LSAMP: variants seen among roughly 807,000 people sequenced by gnomAD.
LSAMP encodes the protein limbic system associated membrane protein, also known as limbic system-associated membrane protein.
A neutral mutation model predicts 38.6 loss-of-function variants in LSAMP; 7 were observed. The observed-to-expected ratio is 0.18, with a 90% CI of 0.10 to 0.34. LSAMP has a LOEUF of 0.34. Among genes scored for constraint, LSAMP ranks in the 10% least tolerant of loss-of-function variants. LSAMP has a pLI of 1.00. For synonymous variants in LSAMP, 154 were observed against 166.8 expected (o/e 0.92, Z 0.59); for missense variants, 313 against 420.0 (o/e 0.75, Z 2.23).
intron 1 of LSAMP, among the ~76,000 whole-genome samples, chr3:116,420,691 T>C (rs1576210995): frequency 6.6e-6 from 1 of 151,728 alleles, no homozygotes; most frequent in East Asian, 2.0e-4. Context: ...GCCAACATGG[T>C]GAAACCCCAT....
intron 1 of LSAMP, among the ~76,000 whole-genome samples, chr3:116,372,307 A>G (rs544320382): frequency 6.6e-6 from 1 of 152,212 alleles, no homozygotes; most frequent in South Asian, 2.1e-4. Flanking sequence ...TACCAAGACT[A>G]TTCAATGGGG....
intron 1 of LSAMP, among the ~76,000 whole-genome samples, chr3:116,316,457 G>A (rs1314422263): frequency 2.0e-5 from 3 of 152,154 alleles, no homozygotes; most frequent in Non-Finnish European, 4.4e-5. Flanking sequence ...TGGGAGAAAA[G>A]TTAGGATAGA....
chr3:116,418,797 T>C (rs2049085025), intron 1 of LSAMP, among the ~76,000 whole-genome samples: 1 of 152,188 alleles, frequency 6.6e-6, no homozygotes, highest in African/African-American at 2.4e-5. Context: ...TAATTTTCTC[T>C]GCAACCTTCA....
chr3:116,040,405 G>T (rs1245041964), intron 2 of LSAMP, among the ~76,000 whole-genome samples: 2 of 152,174 alleles, frequency 1.3e-5, no homozygotes, highest in Non-Finnish European at 2.9e-5. Flanking sequence ...ACTGCTATCT[G>T]TGTAGAGCTC....
At chr3:115,922,735 G>T (rs1156408879) in intron 3 of LSAMP, among the ~76,000 whole-genome samples, 3 of 152,094 alleles carry the variant, frequency 2.0e-5, no homozygotes, top group Non-Finnish European at 4.4e-5. Flanking sequence ...TGGGGGTTAA[G>T]GGTGCCTCTG....
intron 3 of LSAMP, among the ~76,000 whole-genome samples, chr3:115,972,165 G>C (rs1939039993): frequency 6.6e-6 from 1 of 152,004 alleles, no homozygotes; most frequent in Admixed American, 6.6e-5. Flanking sequence ...AGTTCATAAA[G>C]AAGAGTCAGA....
chr3:115,933,185 C>T (rs1225283395), intron 3 of LSAMP, among the ~76,000 whole-genome samples: 1 of 152,092 alleles, frequency 6.6e-6, no homozygotes, highest in Non-Finnish European at 1.5e-5. Context: ...ATTGGGAGCC[C>T]ATTGAAGGTT....
intron 1 of LSAMP, among the ~76,000 whole-genome samples, chr3:116,219,614 A>G (rs1372466390): frequency 2.0e-5 from 3 of 152,208 alleles, no homozygotes; most frequent in Non-Finnish European, 4.4e-5. Flanking sequence ...AAAGTAAGGA[A>G]GTGGGACTAC....
chr3:116,442,148 TAC>T (rs2049444844), intron 1 of LSAMP, among the ~76,000 whole-genome samples: 1 of 152,198 alleles, frequency 6.6e-6, no homozygotes, highest in Non-Finnish European at 1.5e-5. Context: ...ATCATAATTA[TAC>T]AAAAATGAGC....
intron 1 of LSAMP, among the ~76,000 whole-genome samples, chr3:116,352,275 G>C (rs1488831045): frequency 3.9e-5 from 6 of 152,090 alleles, no homozygotes; most frequent in Non-Finnish European, 7.4e-5. Flanking sequence ...GCAGCCAGCG[G>C]AGAGCAAAGT....
At chr3:116,181,346 G>A (rs552209499) in intron 1 of LSAMP, among the ~76,000 whole-genome samples, 1 of 151,860 alleles carries the variant, frequency 6.6e-6, no homozygotes, top group Admixed American at 6.6e-5. Context: ...GTAACAAAGG[G>A]CAGATTTACA....
intron 3 of LSAMP, among the ~76,000 whole-genome samples, chr3:116,002,745 T>G (rs1477091422): frequency 6.6e-6 from 1 of 152,182 alleles, no homozygotes; most frequent in Non-Finnish European, 1.5e-5. Flanking sequence ...GCTAACCTTT[T>G]GCCCTCAGCT....
In LSAMP at chr3:116,445,394, T is replaced by C. The variant is rs1315446777; in HGVS notation, c.-363A>G. ...CTGCCAGTGTCTGAGCTGAGCTCCT[T>C]CGCTCTGTAACCCACTTTCCCAGGC... is the stretch of plus-strand genomic sequence containing the variant. On this transcript the variant is annotated 5_prime_UTR_variant, in exon 1 of 7. Coordinates refer to ENST00000490035, the MANE Select transcript of LSAMP (RefSeq NM_002338.5). The C allele has an allele frequency of 2.4e-5, 11 of 450,854 alleles. No homozygotes were observed. The highest frequency in any genetic ancestry group is 4.2e-5 in the Non-Finnish European group (11 of 259,554). 27.9% of individuals were successfully genotyped at this position (450,854 alleles called of 1,614,324 possible). A position where few individuals can be genotyped will look rare whatever the true frequency, so the allele number is the denominator to read the frequency against.
chr3:115,985,321 C>T (rs560084948), intron 3 of LSAMP, among the ~76,000 whole-genome samples: 59 of 152,058 alleles, frequency 3.9e-4, no homozygotes, highest in Non-Finnish European at 7.1e-4. Context: ...AGGTTGGTGG[C>T]CAGTTAAGAA....
chr3:116,368,781 T>C (rs1432820403), intron 1 of LSAMP, among the ~76,000 whole-genome samples: 1 of 152,222 alleles, frequency 6.6e-6, no homozygotes, highest in Non-Finnish European at 1.5e-5. Context: ...TATGTTATAA[T>C]AGAGATCATA....
chr3:115,977,158 A>G (rs1021587818), intron 3 of LSAMP, among the ~76,000 whole-genome samples: 1 of 152,194 alleles, frequency 6.6e-6, no homozygotes, highest in East Asian at 1.9e-4. Flanking sequence ...TTTTACATAT[A>G]TTAAGAATGA....
intron 1 of LSAMP, among the ~76,000 whole-genome samples, chr3:116,262,431 C>T (rs1297027729): frequency 6.6e-6 from 1 of 152,118 alleles, no homozygotes; most frequent in Non-Finnish European, 1.5e-5. Flanking sequence ...TCTTCTCTGA[C>T]TCCATATTGA....
At chr3:115,925,173 G>T (rs1387781909) in intron 3 of LSAMP, among the ~76,000 whole-genome samples, 1 of 152,098 alleles carries the variant, frequency 6.6e-6, no homozygotes, top group Admixed American at 6.6e-5. Flanking sequence ...GCTATTTTTG[G>T]AGAGTGTAGA....
rs1933649725 is a variant in LSAMP at position 115,807,223 on chromosome 3, C to T, written c.*3094G>A. ...CTTGGTGTCAGTCCTCTGGCCCTAC[C>T]TTTCCCTGACTTTTCTCTAAACTAT... On this transcript the variant is annotated 3_prime_UTR_variant, in exon 7 of 7. Coordinates refer to ENST00000490035, the MANE Select transcript of LSAMP (RefSeq NM_002338.5). 6.6e-6 allele frequency: 1 copy of T among 152,112 alleles called. No homozygotes were observed. Among genetic ancestry groups the T allele is most frequent in the African/African-American group, 2.4e-5 (1 of 41,414 alleles). 9.4% of individuals were successfully genotyped at this position (152,112 alleles called of 1,614,324 possible). A position where few individuals can be genotyped will look rare whatever the true frequency, so the allele number is the denominator to read the frequency against.
Sources: allele counts gnomAD v4.1 joint callset (sites outside exome capture counted in the v4.1 genomes callset), GRCh38; gene constraint gnomAD v4.1.1; transcripts MANE v1.5; gene names NCBI Gene and HGNC (gene_info 2026-07-23, HGNC 2026-07-21).